Variants in ACER1 observed in about 807,000 individuals in gnomAD.
ACER1 encodes the protein CTB-180A7.3.
ACER1 carries 28 observed loss-of-function variants against 24.9 expected under a neutral mutation model. That is an observed-to-expected ratio of 1.13 (90% confidence interval 0.83 to 1.54). The LOEUF (loss-of-function observed/expected upper bound fraction) is 1.54. Ranked by LOEUF, ACER1 falls within the 40% of genes most tolerant of loss-of-function variation. ACER1 has a pLI of 0.00. For missense variants in ACER1, 352 were observed against 349.3 expected (o/e 1.01, Z -0.06); for synonymous variants, 132 against 131.4 (o/e 1.00, Z -0.03).
chr19:6,321,037 C>T (rs1451045113), intron 1 of ACER1, among the ~76,000 whole-genome samples: 1 of 151,070 alleles, frequency 6.6e-6, no homozygotes, highest in Non-Finnish European at 1.5e-5. Flanking sequence ...ACATAAATCA[C>T]ATACTATAAA....
At chr19:6,352,349 G>C in the ACER1 span, among the ~76,000 whole-genome samples, 1 of 152,148 alleles carries the variant, frequency 6.6e-6, no homozygotes, top group African/African-American at 2.4e-5. Context: ...AACTCTCTCT[G>C]AAGTCAGTTG....
intron 1 of ACER1, among the ~76,000 whole-genome samples, chr19:6,332,638 T>A (rs890042043): frequency 2.6e-5 from 4 of 151,998 alleles, no homozygotes; most frequent in African/African-American, 9.7e-5. Context: ...CACCTCAGAA[T>A]GTCCAGAACT....
chr19:6,310,724 C>CA (rs2091575326), intron 3 of ACER1, among the ~76,000 whole-genome samples: 1 of 151,344 alleles, frequency 6.6e-6, no homozygotes, highest in Non-Finnish European at 1.5e-5. Context: ...ACCAAAAATA[C>CA]AAAAAACTAG....
At chr19:6,329,391 A>AATAGAATAGAATAGAATAGAATAGG (rs2091677162) in intron 1 of ACER1, among the ~76,000 whole-genome samples, 1 of 152,074 alleles carries the variant, frequency 6.6e-6, no homozygotes, top group African/African-American at 2.4e-5. Flanking sequence ...AATAGAATAG[A>AATAGAATAGAATAGAATAGAATAGG]ATAGAATAGA....
intron 5 of ACER1, 62 bp from the exon 6 acceptor site, chr19:6,306,944 C>G (rs969446061): frequency 3.2e-6 from 5 of 1,556,176 alleles, no homozygotes; most frequent in Non-Finnish European, 4.4e-6. Context: ...CGCCGGCCCT[C>G]TTTTTACTTC....
chr19:6,336,237 C>T (rs2091713811), upstream of ACER1, among the ~76,000 whole-genome samples: 1 of 152,022 alleles, frequency 6.6e-6, no homozygotes, highest in Non-Finnish European at 1.5e-5. Flanking sequence ...TGCTCTGTTG[C>T]CCAAGCTGGA....
chr19:6,347,109 A>ATATATATATATATATATAT, the ACER1 span, among the ~76,000 whole-genome samples: 2 of 113,822 alleles, frequency 1.8e-5, no homozygotes, highest in African/African-American at 1.0e-4. Flanking sequence ...AAAAAAAAAA[A>ATATATATATATATATATAT]ATATATATAT....
upstream of ACER1, among the ~76,000 whole-genome samples, chr19:6,337,657 CTTTCTTTTTTTTTTTTT>C (rs1342499627): frequency 5.9e-5 from 3 of 51,004 alleles, no homozygotes; most frequent in Non-Finnish European, 7.2e-5. Flanking sequence ...TTCTTTCTTT[CTTTCTTTTTTTTTTTTT>C]TTTTTTTTTT....
At chr19:6,316,638 G>A (rs2091604459) in intron 1 of ACER1, among the ~76,000 whole-genome samples, 1 of 151,952 alleles carries the variant, frequency 6.6e-6, no homozygotes, top group African/African-American at 2.4e-5. Context: ...GGCCAACATG[G>A]TGAAACCTTG....
Position 6,321,851 on chromosome 19 carries a change from A to T in ACER1, c.94-9352T>A, listed in dbSNP as rs368732011. 2.0e-4 allele frequency among the ~76,000 whole-genome samples: 30 copies of T among 151,172 alleles called. No homozygotes were observed. In the East Asian group the frequency reaches 4.8e-3, roughly 24 times the overall value. ...GGTCTCGAACTCCTGACCTCAGGTC[A>T]TCTGCCCACCACGGCCTCCCAAAGT... is the stretch of plus-strand genomic sequence containing the variant. On this transcript the variant is annotated intron_variant, in intron 1 of 5. Transcript: ENST00000301452.
At chr19:6,347,080 C>T in the ACER1 span, among the ~76,000 whole-genome samples, 1 of 116,376 alleles carries the variant, frequency 8.6e-6, no homozygotes, top group Non-Finnish European at 1.6e-5. Context: ...TGGCCAACAC[C>T]ACGAGTCCCT....
At chr19:6,335,051 T>C (rs2091707431), upstream of ACER1, among the ~76,000 whole-genome samples, 1 of 146,866 alleles carries the variant, frequency 6.8e-6, no homozygotes, top group Admixed American at 6.9e-5. Flanking sequence ...AGCAATATTA[T>C]ATTAAAATAT....
Position 6,306,547 on chromosome 19 carries a change from G to T in ACER1, c.*167C>A. The T allele has an allele frequency of 1.3e-6, 1 of 790,184 alleles. No homozygotes were observed. The highest frequency in any genetic ancestry group is 1.9e-6 in the Non-Finnish European group (1 of 521,542). The allele number at this position is 790,184 out of a possible 1,614,324, so 48.9% of individuals were successfully genotyped here. ...GGCTGCTGCTCAGAGATGTCACAAA[G>T]TCCATCATCTGCCTCAAGGCAGGGC... On this transcript the variant is annotated 3_prime_UTR_variant, in exon 6 of 6. Coordinates refer to ENST00000301452, the MANE Select transcript of ACER1 (RefSeq NM_133492.3).
At chr19:6,322,469 C>T (rs2091635763) in intron 1 of ACER1, among the ~76,000 whole-genome samples, 1 of 152,084 alleles carries the variant, frequency 6.6e-6, no homozygotes, top group Non-Finnish European at 1.5e-5. Flanking sequence ...ACTCCTACCC[C>T]ACTTGGCAAA....
At chr19:6,357,751 A>C in the ACER1 span, among the ~76,000 whole-genome samples, 1 of 150,224 alleles carries the variant, frequency 6.7e-6, no homozygotes, top group Non-Finnish European at 1.5e-5. Flanking sequence ...TGACAGAGTG[A>C]GACCCCGTCT....
the ACER1 span, among the ~76,000 whole-genome samples, chr19:6,340,086 C>T: frequency 6.6e-6 from 1 of 151,302 alleles, no homozygotes; most frequent in Non-Finnish European, 1.5e-5. Context: ...ACCAGCCTGG[C>T]CAACATGGTG....
At chr19:6,323,080 C>T (rs767504267) in intron 1 of ACER1, among the ~76,000 whole-genome samples, 77 of 152,142 alleles carry the variant, frequency 5.1e-4, no homozygotes, top group Non-Finnish European at 9.9e-4. Flanking sequence ...CCATTGCACT[C>T]CAGCCTGGGC....
At position 6,312,891 on chromosome 19, in the gene ACER1, G is replaced by A. The variant is rs554171170; in HGVS notation, c.94-392C>T. ...AGGGTTTCACCATGTTGGCCAGGCT[G>A]CTCTTGAACTCCTGACCTCAGGTGA... On this transcript the variant is annotated intron_variant, in intron 1 of 5. Transcript: ENST00000301452. 5.9e-5 allele frequency among the ~76,000 whole-genome samples: 9 copies of A among 152,116 alleles called. 1 individual carries two copies. The South Asian group carries it at 1.9e-3, about 32-fold the overall frequency.
chr19:6,333,679 A>T, upstream of ACER1: 1 of 720,820 alleles, frequency 1.4e-6, no homozygotes, highest in Non-Finnish European at 2.2e-6. Flanking sequence ...GGGAGGAAAA[A>T]CCTGCTGGGC....
Sources: allele counts gnomAD v4.1 joint callset (sites outside exome capture counted in the v4.1 genomes callset), GRCh38; gene constraint gnomAD v4.1.1; transcripts MANE v1.5; gene names NCBI Gene and HGNC (gene_info 2026-07-23, HGNC 2026-07-21).